C4orf36: variants seen among roughly 807,000 people sequenced by gnomAD.
C4orf36 encodes uncharacterized protein C4orf36.
A neutral mutation model predicts 12.2 loss-of-function variants in C4orf36; 11 were observed. The ratio of observed to expected loss-of-function variants is 0.90; its 90% CI spans 0.57 to 1.49. The LOEUF is 1.49. C4orf36 is among the 40% of genes most tolerant of loss of function. C4orf36 has a pLI of 0.00. For synonymous variants in C4orf36, 54 were observed against 51.3 expected, an observed-to-expected ratio of 1.05 and a Z score of -0.22; for missense variants, 137 against 133.9, an observed-to-expected ratio of 1.02 and a Z score of -0.11.
chr4:86,930,673 T>C, the C4orf36 span, among the ~76,000 whole-genome samples: 1 of 152,198 alleles, frequency 6.6e-6, no homozygotes, highest in Non-Finnish European at 1.5e-5. Flanking sequence ...GTGAAATCAG[T>C]TGAACAATAC....
chr4:86,927,564 G>A, the C4orf36 span, among the ~76,000 whole-genome samples: 2 of 152,160 alleles, frequency 1.3e-5, no homozygotes, highest in African/African-American at 4.8e-5. Flanking sequence ...GGAGGCCGAG[G>A]CGGGTGGATC....
rs777679763 is a variant in C4orf36 at position 86,888,298 on chromosome 4, C to T, written c.66-23G>A. ...TGTCTGGGGCAAAAATTCATTAATC[C>T]ATTCAATAAATATTGATTAAGCACC... is the stretch of plus-strand genomic sequence containing the variant. On this transcript the variant is annotated intron_variant, in intron 2 of 4. Coordinates refer to ENST00000295898, the MANE Select transcript of C4orf36 (RefSeq NM_144645.4). The T allele has an allele frequency of 6.2e-6, 10 of 1,607,642 alleles. No homozygotes were observed. In the South Asian group the frequency reaches 6.6e-5, roughly 11 times the overall value.
At chr4:86,934,500 C>T in the C4orf36 span, 9 of 152,154 alleles carry the variant, frequency 5.9e-5, no homozygotes, top group Non-Finnish European at 5.9e-5. Context: ...TCGGCGCTTC[C>T]GTTTCATTAT....
the C4orf36 span, among the ~76,000 whole-genome samples, chr4:86,923,495 T>C: frequency 6.6e-6 from 1 of 150,888 alleles, no homozygotes; most frequent in Non-Finnish European, 1.5e-5. Context: ...CAGTGGCTCA[T>C]GCCTGTAAGC....
chr4:86,912,860 G>A, the C4orf36 span, among the ~76,000 whole-genome samples: 1 of 150,660 alleles, frequency 6.6e-6, no homozygotes, highest in South Asian at 2.1e-4. Flanking sequence ...GGTCACTCCA[G>A]TGCTTCCAAT....
chr4:86,902,674 A>T, the C4orf36 span, among the ~76,000 whole-genome samples: 2 of 152,058 alleles, frequency 1.3e-5, no homozygotes, highest in South Asian at 4.1e-4. Flanking sequence ...CATCCAGATA[A>T]CTTGCCCACC....
At chr4:86,913,133 T>G in the C4orf36 span, 1 of 207,900 alleles carries the variant, frequency 4.8e-6, no homozygotes, top group Non-Finnish European at 9.6e-6. Context: ...CAAAACCACA[T>G]GGTATTGGCG....
chr4:86,917,597 A>G, the C4orf36 span, among the ~76,000 whole-genome samples: 3 of 147,768 alleles, frequency 2.0e-5, no homozygotes, highest in Admixed American at 2.0e-4. Flanking sequence ...GAAGGGAAAG[A>G]AGGAGGGAGG....
At chr4:86,880,961 A>T (rs1227405251) in intron 4 of C4orf36, among the ~76,000 whole-genome samples, 1 of 148,684 alleles carries the variant, frequency 6.7e-6, no homozygotes, top group African/African-American at 2.5e-5. Flanking sequence ...TGAACCCAGG[A>T]GGTGGAGGTT....
the C4orf36 span, among the ~76,000 whole-genome samples, chr4:86,902,678 G>T: frequency 6.6e-6 from 1 of 151,986 alleles, no homozygotes; most frequent in African/African-American, 2.4e-5. Flanking sequence ...CAGATAACTT[G>T]CCCACCTCCG....
At chr4:86,884,208 C>T (rs1199266823) in intron 4 of C4orf36, among the ~76,000 whole-genome samples, 1 of 151,692 alleles carries the variant, frequency 6.6e-6, no homozygotes, top group African/African-American at 2.4e-5. Flanking sequence ...TGTGTATTTT[C>T]ATGTCACTTT....
chr4:86,881,697 G>A (rs1005303577), intron 4 of C4orf36, among the ~76,000 whole-genome samples: 2 of 151,126 alleles, frequency 1.3e-5, no homozygotes, highest in Non-Finnish European at 3.0e-5. Flanking sequence ...TTTTGAGATG[G>A]AGTTTCACTC....
chr4:86,880,965 G>A lies in C4orf36; in HGVS notation c.*3-4522C>T, dbSNP rs541652401. ...GGAAAATTGCATGAACCCAGGAGGT[G>A]GAGGTTGCAGTGAGCTGAGATCACA... On this transcript the variant is annotated intron_variant, in intron 4 of 4. Transcript: ENST00000295898. Among the ~76,000 whole-genome samples the A allele has an allele frequency of 5.3e-5, 8 of 151,602 alleles. No homozygotes were observed. In the East Asian group the frequency reaches 1.6e-3, roughly 29 times the overall value.
At chr4:86,928,102 G>T in the C4orf36 span, among the ~76,000 whole-genome samples, 1 of 152,194 alleles carries the variant, frequency 6.6e-6, no homozygotes, top group South Asian at 2.1e-4. Flanking sequence ...CTGATTCGTA[G>T]CTATTTGTCA....
chr4:86,933,771 A>G, the C4orf36 span, among the ~76,000 whole-genome samples: 1 of 152,256 alleles, frequency 6.6e-6, no homozygotes, highest in Non-Finnish European at 1.5e-5. Context: ...CTCCTGTCCC[A>G]TCCTGCTCAG....
At chr4:86,934,557 A>T in the C4orf36 span, 60 of 152,354 alleles carry the variant, frequency 3.9e-4, no homozygotes, top group African/African-American at 1.4e-3. Context: ...TGTTGTGAAG[A>T]TGAAACAGGC....
chr4:86,930,449 ATC>A, the C4orf36 span, among the ~76,000 whole-genome samples: 2 of 152,272 alleles, frequency 1.3e-5, no homozygotes, highest in South Asian at 2.1e-4. Context: ...AAGATGAAAT[ATC>A]TCTCTGAGGT....
chr4:86,896,341 A>G (rs1295562618), upstream of C4orf36, among the ~76,000 whole-genome samples: 1 of 152,206 alleles, frequency 6.6e-6, no homozygotes, highest in African/African-American at 2.4e-5. Context: ...ACATGTATAT[A>G]TGTATGTGTA....
At chr4:86,881,028 G>A (rs1446994133) in intron 4 of C4orf36, among the ~76,000 whole-genome samples, 9 of 116,814 alleles carry the variant, frequency 7.7e-5, no homozygotes, top group East Asian at 2.3e-4. Flanking sequence ...GTGAGATTCC[G>A]CCTCAAAAAA....
Sources: allele counts gnomAD v4.1 joint callset (sites outside exome capture counted in the v4.1 genomes callset), GRCh38; gene constraint gnomAD v4.1.1; transcripts MANE v1.5; gene names NCBI Gene and HGNC (gene_info 2026-07-23, HGNC 2026-07-21).